NOTCH3: variants seen among roughly 807,000 people sequenced by gnomAD.
The protein encoded by NOTCH3 is notch receptor 3.
A neutral mutation model predicts 213.3 loss-of-function variants in NOTCH3; 86 were observed. That is an observed-to-expected ratio of 0.40 (90% CI 0.34 to 0.48). The LOEUF is 0.48. Among genes scored for constraint, NOTCH3 ranks in the 20% least tolerant of loss-of-function variants. The pLI is 0.57. For missense variants in NOTCH3, 2,783 were observed against 3,272.6 expected (o/e 0.85, Z 3.65); for synonymous variants, 1,354 against 1,355.9 (o/e 1.00, Z 0.03).
intron 17 of NOTCH3, 114 bp from the exon 18 acceptor site, chr19:15,181,276 C>A (rs911553567): frequency 1.0e-6 from 1 of 968,874 alleles, no homozygotes; most frequent in East Asian, 2.6e-5. Flanking sequence ...ACCCTTATCT[C>A]GGCAAGAAGC....
In NOTCH3 at chr19:15,167,261, C is replaced by T; in HGVS notation, c.5350G>A (p.Val1784Met). ...CACTGTCACTAACCTGGGCCACGCA[C>T]ATTGACATCCATGCCATCAGCATCT... ...DADADGMDVN[V>M]RGPDGFTPLM... The change falls in exon 29 of 33, where the codon GTG becomes ATG. Residue 1784 changes from valine to methionine, a missense_variant. Val to Met is a conservative substitution (Grantham distance 21). Around this residue, in one of 6 missense-constraint regions of NOTCH3, gnomAD observed 636 missense variants for 801.8 expected, o/e 0.79. Coordinates refer to ENST00000263388, the MANE Select transcript of NOTCH3 (RefSeq NM_000435.3). The T allele has an allele frequency of 1.2e-6, 2 of 1,612,926 alleles. No homozygotes were observed. Among genetic ancestry groups the T allele is most frequent in the Non-Finnish European group, 1.7e-6 (2 of 1,179,220 alleles).
chr19:15,190,515 A>G lies in NOTCH3; in HGVS notation c.1036+909T>C, dbSNP rs2046918728. Among the ~76,000 whole-genome samples, 3 of 152,166 alleles carry G rather than the reference A, an allele frequency of 2.0e-5. No individual in the cohort carries two copies. In the South Asian group the frequency reaches 6.2e-4, roughly 32 times the overall value. ...CTGCCCTGAGCCATGCATCAGTGCA[A>G]TGTCAGCCTCCTCCCAAGCCTCTCC... On this transcript the variant is annotated intron_variant, in intron 6 of 32. Coordinates refer to ENST00000263388, the MANE Select transcript of NOTCH3 (RefSeq NM_000435.3).
At chr19:15,197,400 A>G (rs887203595) in intron 2 of NOTCH3, 100 bp downstream of exon 2, 48 of 1,064,164 alleles carry the variant, frequency 4.5e-5, no homozygotes, top group Non-Finnish European at 6.4e-5. Flanking sequence ...AGTGGTAGAG[A>G]CATCCATGGT....
At chr19:15,187,423 T>A in intron 10 of NOTCH3, 85 bp from the exon 11 acceptor site, 3 of 1,199,786 alleles carry the variant, frequency 2.5e-6, no homozygotes, top group South Asian at 2.7e-5. Context: ...GGTTCAGCTC[T>A]ATCTGAGGCC....
In NOTCH3 at chr19:15,188,238, AG is replaced by A; in HGVS notation, c.1488del (p.Ser497ArgfsTer102). 6.3e-7 allele frequency: 1 copy of A among 1,594,640 alleles called. No individual in the cohort carries two copies. ...DRVNGFSCTC[P>X]SGFSGSTCQL... The stretch of plus-strand genomic sequence containing the variant: ...CTCCCTCTCCTGAGGTCCTCACCCG[AG>A]GGGCAGGTGCAGCTGAAGCCATTGA... On this transcript the variant is annotated frameshift_variant, in exon 9 of 33. Coordinates refer to ENST00000263388, the MANE Select transcript of NOTCH3 (RefSeq NM_000435.3). LOFTEE classifies it high-confidence loss of function.
At chr19:15,162,610 G>GC (rs1568346249) in intron 31 of NOTCH3, 48 bp from the exon 32 acceptor site, 2 of 1,504,336 alleles carry the variant, frequency 1.3e-6, no homozygotes, top group South Asian at 1.1e-5. Context: ...CTGTCCTGGG[G>GC]CCCCCATGTC....
intron 2 of NOTCH3, among the ~76,000 whole-genome samples, chr19:15,193,938 T>C (rs11878776): frequency 0.87 from 132,375 of 151,712 alleles, 57,941 homozygotes; most frequent in African/African-American, 0.92. Context: ...AAAAATTAGC[T>C]GGGCGTGGTG....
intron 15 of NOTCH3, 44 bp from the exon 16 acceptor site, chr19:15,184,494 G>A: frequency 6.3e-7 from 1 of 1,598,414 alleles, no homozygotes; most frequent in Admixed American, 1.7e-5. Context: ...ACAGGGTACA[G>A]AGCAGGGTCT....
rs141320511 is a variant in NOTCH3 at position 15,174,252 on chromosome 19, G to A, written c.4552C>T (p.Leu1518=). ...CGCAGTAGCTCCTCTGGCGGCAGCA[G>A]CACTGTGAGCACCAGCACGCCGCGG... ...LARGVLVLTV[L]LPPEELLRSS... is the part of the protein sequence containing the mutation. The change falls in exon 25 of 33, where the codon CTG becomes TTG. Residue 1518 remains leucine (L), a synonymous_variant. Transcript: ENST00000263388. 6.3e-7 allele frequency: 1 copy of A among 1,585,908 alleles called. No individual in the cohort carries two copies.
intron 6 of NOTCH3, among the ~76,000 whole-genome samples, chr19:15,189,999 G>T (rs2046915363): frequency 6.6e-6 from 1 of 152,092 alleles, no homozygotes; most frequent in Admixed American, 6.5e-5. Flanking sequence ...TGCAGACCGG[G>T]CACAGTGGCT....
chr19:15,182,634 C>T (rs191287067), intron 16 of NOTCH3, among the ~76,000 whole-genome samples: 1,796 of 150,560 alleles, frequency 0.012, 27 homozygotes, highest in African/African-American at 0.041. Context: ...TATTTATTTA[C>T]TTTTATTTTT....
intron 28 of NOTCH3, among the ~76,000 whole-genome samples, chr19:15,168,234 A>G (rs2046702036): frequency 6.6e-6 from 1 of 152,212 alleles, no homozygotes; most frequent in South Asian, 2.1e-4. Flanking sequence ...CCATGCTAAG[A>G]TACCACCACA....
chr19:15,176,802 G>A (rs1258207740), intron 24 of NOTCH3, among the ~76,000 whole-genome samples: 1 of 149,642 alleles, frequency 6.7e-6, no homozygotes, highest in East Asian at 2.0e-4. Flanking sequence ...GCCAGGTGCG[G>A]TGGCTCACAC....
In NOTCH3 at chr19:15,192,604, G is replaced by A. The variant is rs1053689309; in HGVS notation, c.198-85C>T. On this transcript the variant is annotated intron_variant, in intron 2 of 32. Coordinates refer to ENST00000263388, the MANE Select transcript of NOTCH3 (RefSeq NM_000435.3). ...TACACACAAGACAGGCAAGAAACAC[G>A]CAGGGAAACAGAGCAGCAAACACAC... 248 of 1,507,688 alleles carry A rather than the reference G, an allele frequency of 1.6e-4. 1 individual carries two copies. Among genetic ancestry groups the A allele is most frequent in the Middle Eastern group, 2.2e-4 (1 of 4,648 alleles). The allele number at this position is 1,507,688 out of a possible 1,614,324, so 93.4% of individuals were successfully genotyped here.
In NOTCH3 at chr19:15,162,426, C is replaced by G. The variant is rs1314162801; in HGVS notation, c.5913+39G>C. ...CAGGCTGGATTGCAATGGCACTGTGCCACTGCTGACACCCAGTGGACCAAG... is the reference window on the plus strand; with the variant it reads ...CAGGCTGGATTGCAATGGCACTGTGGCACTGCTGACACCCAGTGGACCAAG... On this transcript the variant is annotated intron_variant, in intron 32 of 32. Coordinates refer to ENST00000263388, the MANE Select transcript of NOTCH3 (RefSeq NM_000435.3). 2.8e-6 allele frequency: 4 copies of G among 1,423,568 alleles called. No homozygotes were observed. In the African/African-American group the frequency reaches 5.6e-5, roughly 20 times the overall value. The allele number at this position is 1,423,568 out of a possible 1,614,324, so 88.2% of individuals were successfully genotyped here.
At position 15,185,343 on chromosome 19, in the gene NOTCH3, G is replaced by A. The variant is rs2046872380; in HGVS notation, c.2210C>T (p.Ala737Val). 1 of 1,612,588 alleles carries A rather than the reference G, an allele frequency of 6.2e-7. No homozygotes were observed. Among genetic ancestry groups the A allele is most frequent in the Non-Finnish European group, 8.5e-7 (1 of 1,179,850 alleles). Reference protein sequence around the residue: ...PRCSQSLARDACESQPCRAGG... With the variant: ...PRCSQSLARDVCESQPCRAGG... ...GGCCCTGCACGGCTGGGACTCACAGGCGTCTCGGGCCAGGCTCTGGCTGCA... is the reference window on the plus strand; with the variant it reads ...GGCCCTGCACGGCTGGGACTCACAGACGTCTCGGGCCAGGCTCTGGCTGCA... The change falls in exon 14 of 33, where the codon GCC (alanine) becomes GTC (valine). Residue 737 changes from alanine to valine, a missense_variant. Coordinates refer to ENST00000263388, the MANE Select transcript of NOTCH3 (RefSeq NM_000435.3). This position sits in a 1 kb window ranked among gnomAD's most constrained non-coding sequence, Gnocchi z 4.2.
At chr19:15,184,037 CAAAAAAAAAAAA>C (rs34518539) in intron 16 of NOTCH3, among the ~76,000 whole-genome samples, 27 of 27,628 alleles carry the variant, frequency 9.8e-4, no homozygotes, top group South Asian at 3.4e-3. Flanking sequence ...GACTCTGTCT[CAAAAAAAAAAAA>C]AAAAAAAAAA....
chr19:15,161,155 A>G lies in NOTCH3; in HGVS notation c.6473T>C (p.Leu2158Pro), dbSNP rs1167807322. 1 of 1,539,316 alleles carries G rather than the reference A, an allele frequency of 6.5e-7. No homozygotes were observed. The highest frequency in any genetic ancestry group is 8.7e-7 in the Non-Finnish European group (1 of 1,148,666). Reference protein sequence around the residue: ...LGRQPPGGCVLSLGLLNPVAV... With the variant: ...LGRQPPGGCVPSLGLLNPVAV... ...CACAGGGTTCAGCAGGCCCAGGCTG[A>G]GTACACATCCTCCAGGGGGCTGGCG... The change falls in exon 33 of 33, where the codon CTC (leucine) becomes CCC (proline). Residue 2158 changes from leucine (L) to proline (P), a missense_variant. By Grantham distance (98) the Leu-to-Pro change is moderately conservative. Coordinates refer to ENST00000263388, the MANE Select transcript of NOTCH3 (RefSeq NM_000435.3).
At chr19:15,183,935 G>A (rs901320760) in intron 16 of NOTCH3, among the ~76,000 whole-genome samples, 4 of 150,104 alleles carry the variant, frequency 2.7e-5, no homozygotes, top group Non-Finnish European at 4.4e-5. Flanking sequence ...GCCTATAGTC[G>A]CAGCCACTGG....
Sources: allele counts gnomAD v4.1 joint callset (sites outside exome capture counted in the v4.1 genomes callset), GRCh38; gene constraint gnomAD v4.1.1; regional missense constraint gnomAD v4.1.1; non-coding constraint Gnocchi (gnomAD v3.1); transcripts MANE v1.5; gene names NCBI Gene and HGNC (gene_info 2026-07-23, HGNC 2026-07-21).